The following EEIG2 variants were observed in gnomAD, a reference collection of about 807,000 sequenced individuals.
EEIG2 encodes family with sequence similarity 102 member B.
the EEIG2 span, chr1:108,625,827 TGG>T: frequency 4.0e-4 from 50 of 126,076 alleles, no homozygotes; most frequent in African/African-American, 1.4e-3. Context: ...TGTGTGTGTG[TGG>T]AGAGAGAGAG....
At chr1:108,636,150 T>G in the EEIG2 span, 1 of 152,232 alleles carries the variant, frequency 6.6e-6, no homozygotes, top group Middle Eastern at 3.2e-3. Context: ...GGTACTGTTT[T>G]CTTCCCCACT....
chr1:108,571,141 A>G, the EEIG2 span, among the ~76,000 whole-genome samples: 1 of 152,214 alleles, frequency 6.6e-6, no homozygotes, highest in Non-Finnish European at 1.5e-5. Context: ...CAGCTACTTC[A>G]CTGTCACATC....
the EEIG2 span, among the ~76,000 whole-genome samples, chr1:108,599,588 C>T: frequency 6.6e-6 from 1 of 152,156 alleles, no homozygotes; most frequent in East Asian, 1.9e-4. Flanking sequence ...TACAGATTCT[C>T]CTTTGTGGAC....
At chr1:108,583,384 A>G in the EEIG2 span, among the ~76,000 whole-genome samples, 2 of 151,186 alleles carry the variant, frequency 1.3e-5, no homozygotes, top group Admixed American at 6.6e-5. Context: ...AGCTCAAGCA[A>G]TCCACCTACC....
the EEIG2 span, among the ~76,000 whole-genome samples, chr1:108,593,005 A>G: frequency 5.3e-4 from 81 of 152,048 alleles, no homozygotes; most frequent in African/African-American, 1.9e-3. Flanking sequence ...AAAAAATACA[A>G]AAATTAGCTA....
chr1:108,634,167 G>A, the EEIG2 span, among the ~76,000 whole-genome samples: 5 of 152,106 alleles, frequency 3.3e-5, no homozygotes, highest in Admixed American at 6.6e-5. Flanking sequence ...TATTTAAAAG[G>A]GCATCTAAAA....
chr1:108,603,463 C>G, the EEIG2 span, among the ~76,000 whole-genome samples: 1 of 147,486 alleles, frequency 6.8e-6, no homozygotes, highest in Non-Finnish European at 1.5e-5. Context: ...CAAAGACAAA[C>G]CCAGCCTCCA....
At chr1:108,620,146 A>G in the EEIG2 span, among the ~76,000 whole-genome samples, 1 of 152,232 alleles carries the variant, frequency 6.6e-6, no homozygotes, top group Non-Finnish European at 1.5e-5. Flanking sequence ...AGATGTAAAT[A>G]ACTGCTGGAG....
the EEIG2 span, among the ~76,000 whole-genome samples, chr1:108,619,456 G>C: frequency 6.6e-6 from 1 of 152,134 alleles, no homozygotes; most frequent in Non-Finnish European, 1.5e-5. Flanking sequence ...GATGTAAAAA[G>C]TAAATTAGTT....
chr1:108,579,582 A>G, the EEIG2 span, among the ~76,000 whole-genome samples: 403 of 149,790 alleles, frequency 2.7e-3, 3 homozygotes, highest in African/African-American at 9.3e-3. Flanking sequence ...GCTCTGCACC[A>G]AGCGGACCTA....
the EEIG2 span, among the ~76,000 whole-genome samples, chr1:108,560,852 T>A: frequency 1.3e-5 from 2 of 152,092 alleles, 1 homozygote; most frequent in South Asian, 4.1e-4. Context: ...TCTTAAGACA[T>A]TTCCATATTT....
chr1:108,594,485 C>T, the EEIG2 span, among the ~76,000 whole-genome samples: 15 of 152,106 alleles, frequency 9.9e-5, no homozygotes, highest in Non-Finnish European at 1.6e-4. Flanking sequence ...CCAACCTTTC[C>T]TGCTGAGTGA....
chr1:108,618,624 G>A, the EEIG2 span, among the ~76,000 whole-genome samples: 1 of 152,106 alleles, frequency 6.6e-6, no homozygotes, highest in South Asian at 2.1e-4. Flanking sequence ...CGGGCTCGGT[G>A]GCTCACGCCT....
chr1:108,614,649 C>T, the EEIG2 span, among the ~76,000 whole-genome samples: 1 of 152,164 alleles, frequency 6.6e-6, no homozygotes, highest in East Asian at 1.9e-4. Flanking sequence ...AGAAGTCAGT[C>T]CTTCCTCTTG....
the EEIG2 span, among the ~76,000 whole-genome samples, chr1:108,575,944 A>G: frequency 8.8e-6 from 1 of 113,998 alleles, no homozygotes; most frequent in African/African-American, 4.9e-5. Flanking sequence ...TTAAAATGAG[A>G]TATGATATGT....
chr1:108,610,983 C>T, the EEIG2 span, among the ~76,000 whole-genome samples: 5 of 152,084 alleles, frequency 3.3e-5, no homozygotes, highest in African/African-American at 1.2e-4. Context: ...ACTAGAGTAA[C>T]CATGTGCAAA....
chr1:108,629,455 T>C, the EEIG2 span: 1 of 579,050 alleles, frequency 1.7e-6, no homozygotes, highest in South Asian at 2.8e-5. Context: ...TTAAAACATG[T>C]ATATAACTTT....
the EEIG2 span, among the ~76,000 whole-genome samples, chr1:108,614,500 G>A: frequency 2.6e-5 from 4 of 151,948 alleles, no homozygotes; most frequent in Non-Finnish European, 5.9e-5. Flanking sequence ...CTCAGATACT[G>A]ACCTTGCCTT....
At chr1:108,616,323 C>G in the EEIG2 span, 1 of 1,056,406 alleles carries the variant, frequency 9.5e-7, no homozygotes, top group Non-Finnish European at 1.5e-6. Flanking sequence ...GGACTAAGTG[C>G]TGTGAAGGAA....
Sources: allele counts gnomAD v4.1 joint callset (sites outside exome capture counted in the v4.1 genomes callset), GRCh38; gene constraint gnomAD v4.1.1; transcripts MANE v1.5; gene names NCBI Gene and HGNC (gene_info 2026-07-23, HGNC 2026-07-21).